Variants in TAFA2 observed in about 807,000 individuals in gnomAD.
TAFA2 encodes TAFA chemokine like family member 2.
In TAFA2, 7 loss-of-function variants were observed where a neutral mutation model predicts 18.8. That is an observed-to-expected ratio of 0.37 (90% CI 0.21 to 0.70). The LOEUF is 0.70. TAFA2 is among the 30% of genes least tolerant of loss of function. The pLI, the probability that TAFA2 is intolerant of heterozygous loss-of-function variation, is 0.53. For synonymous variants in TAFA2, 60 were observed against 54.2 expected, an observed-to-expected ratio of 1.11 and a Z score of -0.47; for missense variants, 122 against 158.1, an observed-to-expected ratio of 0.77 and a Z score of 1.23.
intron 1 of TAFA2, among the ~76,000 whole-genome samples, chr12:62,209,674 G>T (rs1189792138): frequency 6.6e-6 from 1 of 152,332 alleles, no homozygotes; most frequent in Middle Eastern, 3.4e-3. Context: ...GGCTAAAAAT[G>T]AGGAGAAGGG....
At chr12:61,943,971 A>G (rs1878153767) in intron 1 of TAFA2, among the ~76,000 whole-genome samples, 1 of 142,626 alleles carries the variant, frequency 7.0e-6, no homozygotes, top group African/African-American at 2.7e-5. Context: ...ACATCTACAG[A>G]ACTCTCCACC....
At chr12:61,975,453 T>C (rs931218700) in intron 1 of TAFA2, among the ~76,000 whole-genome samples, 5 of 151,384 alleles carry the variant, frequency 3.3e-5, no homozygotes, top group Non-Finnish European at 7.4e-5. Context: ...GCATAGTGTC[T>C]TTCAGGGTCA....
intron 1 of TAFA2, among the ~76,000 whole-genome samples, chr12:62,109,001 A>G (rs1318288205): frequency 6.6e-6 from 1 of 152,140 alleles, no homozygotes; most frequent in Non-Finnish European, 1.5e-5. Context: ...CAATTTGTCA[A>G]TTTTGGCTTT....
At chr12:61,980,471 G>C (rs988645083) in intron 1 of TAFA2, among the ~76,000 whole-genome samples, 4 of 152,144 alleles carry the variant, frequency 2.6e-5, no homozygotes, top group African/African-American at 9.7e-5. Context: ...AATCAGGCAA[G>C]AGAAAGAAAT....
rs568159399 is a variant in TAFA2 at position 61,753,503 on chromosome 12, A to G, written c.384+119T>C. On this transcript the variant is annotated intron_variant, in intron 4 of 4. Coordinates refer to ENST00000416284, the MANE Select transcript of TAFA2 (RefSeq NM_178539.5). ...GAACTAAGAAAAAAATGGGGAAAACATATCTTGCAAAACTATACTCTTCCA... is the reference window on the plus strand; with the variant it reads ...GAACTAAGAAAAAAATGGGGAAAACGTATCTTGCAAAACTATACTCTTCCA... 3.3e-5 allele frequency: 30 copies of G among 902,728 alleles called. 1 individual carries two copies. In the South Asian group the frequency reaches 5.6e-4, roughly 17 times the overall value. The allele number at this position is 902,728 out of a possible 1,614,324, so 55.9% of individuals were successfully genotyped here.
intron 1 of TAFA2, among the ~76,000 whole-genome samples, chr12:62,257,137 C>G (rs959486019): frequency 3.7e-4 from 6 of 16,166 alleles, no homozygotes; most frequent in African/African-American, 1.5e-3. Flanking sequence ...TGTGTATGTA[C>G]ATGTGTATAT....
intron 1 of TAFA2, among the ~76,000 whole-genome samples, chr12:62,129,441 T>C (rs909160142): frequency 6.6e-6 from 1 of 152,006 alleles, no homozygotes; most frequent in Non-Finnish European, 1.5e-5. Context: ...CAGATAACTA[T>C]ACCACAGCAT....
rs2062245541 is a variant in TAFA2 at position 62,142,238 on chromosome 12, T to C, written c.-2+49021A>G. 3.3e-5 allele frequency among the ~76,000 whole-genome samples: 5 copies of C among 152,190 alleles called. No individual in the cohort carries two copies. The South Asian group carries it at 8.3e-4, about 25-fold the overall frequency. On this transcript the variant is annotated intron_variant, in intron 1 of 4. Transcript: ENST00000416284. ...AAATAATAACTACCTGAGCCTGGTG[T>C]AGTGCCCACACCCCTAATGCTCTGC...
At chr12:61,897,906 T>A (rs1875923673) in intron 1 of TAFA2, among the ~76,000 whole-genome samples, 1 of 152,194 alleles carries the variant, frequency 6.6e-6, no homozygotes, top group African/African-American at 2.4e-5. Flanking sequence ...AGTCCCTTCC[T>A]CGTAGAAGCC....
At chr12:61,966,811 C>T (rs1004507840) in intron 1 of TAFA2, among the ~76,000 whole-genome samples, 5 of 151,844 alleles carry the variant, frequency 3.3e-5, no homozygotes, top group Admixed American at 2.0e-4. Context: ...ATTCTCTCTT[C>T]CTTCTTTCTA....
At chr12:61,905,591 C>A (rs991554296) in intron 1 of TAFA2, among the ~76,000 whole-genome samples, 1 of 152,026 alleles carries the variant, frequency 6.6e-6, no homozygotes, top group Non-Finnish European at 1.5e-5. Context: ...TTAGCATGAC[C>A]AGATAATCTC....
chr12:62,166,768 A>C (rs2136936262), intron 1 of TAFA2, among the ~76,000 whole-genome samples: 1 of 152,336 alleles, frequency 6.6e-6, no homozygotes, highest in East Asian at 1.9e-4. Flanking sequence ...CAACATGACC[A>C]ATACACAACA....
chr12:61,818,490 TACACACACACACACACACAC>T (rs3034071), intron 2 of TAFA2, among the ~76,000 whole-genome samples: 2 of 140,708 alleles, frequency 1.4e-5, no homozygotes, highest in East Asian at 4.2e-4. Context: ...CTCAAAAAAA[TACACACACACACACACACAC>T]ACACACACAC....
At chr12:61,859,364 T>A (rs1182064439) in intron 2 of TAFA2, among the ~76,000 whole-genome samples, 1 of 152,184 alleles carries the variant, frequency 6.6e-6, no homozygotes, top group African/African-American at 2.4e-5. Context: ...GTGGGGATTA[T>A]CCCCACCCAA....
At chr12:62,164,272 C>T (rs2062424842) in intron 1 of TAFA2, among the ~76,000 whole-genome samples, 1 of 152,162 alleles carries the variant, frequency 6.6e-6, no homozygotes, top group African/African-American at 2.4e-5. Flanking sequence ...CAACAACTCT[C>T]TCTCTTGAAC....
intron 1 of TAFA2, among the ~76,000 whole-genome samples, chr12:61,886,378 C>A (rs781176433): frequency 7.2e-5 from 11 of 152,160 alleles, no homozygotes; most frequent in Admixed American, 6.5e-4. Context: ...CCCCCCTGCC[C>A]CCACTGCCAC....
At chr12:62,055,355 A>T (rs1459858725) in intron 1 of TAFA2, among the ~76,000 whole-genome samples, 1 of 152,178 alleles carries the variant, frequency 6.6e-6, no homozygotes, top group Non-Finnish European at 1.5e-5. Context: ...AAAAAAATAA[A>T]CCCCTGAAAT....
intron 2 of TAFA2, among the ~76,000 whole-genome samples, chr12:61,833,558 A>T (rs1872798006): frequency 6.6e-6 from 1 of 152,002 alleles, no homozygotes; most frequent in South Asian, 2.1e-4. Context: ...AATAATATTG[A>T]TAATATATAA....
At chr12:61,792,032 C>G (rs1346583774) in intron 2 of TAFA2, among the ~76,000 whole-genome samples, 1 of 151,434 alleles carries the variant, frequency 6.6e-6, no homozygotes, top group Non-Finnish European at 1.5e-5. Flanking sequence ...TACTACTTGG[C>G]CAGAAAAAAT....
Sources: gnomAD v4.1 joint callset for allele counts (sites outside exome capture counted in the v4.1 genomes callset) on GRCh38, gnomAD v4.1.1 for gene constraint, MANE v1.5 for transcripts, NCBI Gene and HGNC (gene_info 2026-07-23, HGNC 2026-07-21) for gene names.